SYTL3: variants seen among roughly 807,000 people sequenced by gnomAD.
SYTL3 encodes the protein synaptotagmin-like protein 3.
Under a neutral mutation model 82.1 loss-of-function variants are expected in SYTL3, and 88 were observed. The ratio of observed to expected loss-of-function variants is 1.07; its 90% CI spans 0.90 to 1.28. The LOEUF (loss-of-function observed/expected upper bound fraction) is 1.28, where lower values mean the gene tolerates loss of function less well. Among genes scored for constraint, SYTL3 ranks in the 50% most tolerant of loss-of-function variants. SYTL3 has a pLI of 0.00. For synonymous variants in SYTL3, 311 were observed against 289.4 expected (o/e 1.07, Z -0.76); for missense variants, 831 against 757.6 (o/e 1.10, Z -1.14).
intron 11 of SYTL3, among the ~76,000 whole-genome samples, chr6:158,732,299 C>T (rs77599895): frequency 0.055 from 8,406 of 152,232 alleles, 275 homozygotes; most frequent in Middle Eastern, 0.068. Context: ...AGCACAAGGA[C>T]AAGACTGAAG....
At chr6:158,705,980 T>C (rs1399165373) in intron 6 of SYTL3, among the ~76,000 whole-genome samples, 1 of 152,162 alleles carries the variant, frequency 6.6e-6, no homozygotes, top group Middle Eastern at 3.2e-3. Flanking sequence ...TGCTTGGACC[T>C]GGATGTTTTC....
intron 12 of SYTL3, among the ~76,000 whole-genome samples, chr6:158,749,069 G>C (rs1788023533): frequency 6.8e-6 from 1 of 147,594 alleles, no homozygotes; most frequent in Non-Finnish European, 1.5e-5. Flanking sequence ...TAAAAATACA[G>C]AGAAAATTAG....
At chr6:158,757,000 A>AGCCCC (rs1554266364) in intron 13 of SYTL3, among the ~76,000 whole-genome samples, 22 of 141,960 alleles carry the variant, frequency 1.5e-4, no homozygotes, top group East Asian at 1.1e-3. Flanking sequence ...CAGAGAGAGG[A>AGCCCC]CCCCCCCGCC....
At chr6:158,664,241 T>C (rs552468324) in intron 4 of SYTL3, among the ~76,000 whole-genome samples, 1 of 152,340 alleles carries the variant, frequency 6.6e-6, no homozygotes, top group South Asian at 2.1e-4. Context: ...GTAAACTTTC[T>C]TCCATTAAAA....
intron 13 of SYTL3, 91 bp from the exon 14 acceptor site, chr6:158,757,120 G>T: frequency 7.6e-7 from 1 of 1,309,464 alleles, no homozygotes; most frequent in Non-Finnish European, 1.0e-6. Context: ...GCCCCGGGAA[G>T]TGGGGCCCTG....
chr6:158,679,989 A>C (rs1012511023), intron 5 of SYTL3, among the ~76,000 whole-genome samples: 9 of 152,178 alleles, frequency 5.9e-5, no homozygotes, highest in African/African-American at 2.2e-4. Context: ...GGAGCATGTG[A>C]GAGAGGAGAT....
intron 8 of SYTL3, among the ~76,000 whole-genome samples, chr6:158,709,207 C>T (rs543607719): frequency 1.3e-5 from 2 of 152,158 alleles, no homozygotes; most frequent in Admixed American, 1.3e-4. Flanking sequence ...CCAGCCTGGG[C>T]AACAGAGCAA....
At chr6:158,738,502 C>T (rs1786498659) in intron 11 of SYTL3, among the ~76,000 whole-genome samples, 1 of 152,136 alleles carries the variant, frequency 6.6e-6, no homozygotes, top group Admixed American at 6.5e-5. Context: ...CTTCTCTGTT[C>T]CTTATTCTAT....
chr6:158,745,676 A>T lies in SYTL3; in HGVS notation c.1034+18A>T. 6.4e-7 allele frequency: 1 copy of T among 1,572,982 alleles called. No homozygotes were observed. Among genetic ancestry groups the T allele is most frequent in the South Asian group, 1.2e-5 (1 of 84,722 alleles). ...TGCAATCCGTAAGTTGTTTTTTTTA[A>T]GTTTAACATGAGACATATTGATTCC... On this transcript the variant is annotated intron_variant, in intron 12 of 17. Coordinates refer to ENST00000611299, the MANE Select transcript of SYTL3 (RefSeq NM_001242394.2).
At chr6:158,663,484 C>G in intron 4 of SYTL3, 106 bp downstream of exon 4, 2 of 1,508,704 alleles carry the variant, frequency 1.3e-6, no homozygotes, top group Admixed American at 2.2e-5. Context: ...TACCCACCTG[C>G]TGCTGGGCTT....
At chr6:158,728,600 G>A (rs1332001726) in intron 11 of SYTL3, among the ~76,000 whole-genome samples, 1 of 152,162 alleles carries the variant, frequency 6.6e-6, no homozygotes, top group Non-Finnish European at 1.5e-5. Context: ...TGTATTCTCT[G>A]TGTATAGGTA....
At chr6:158,728,469 G>A (rs1367754458) in intron 11 of SYTL3, among the ~76,000 whole-genome samples, 1 of 152,190 alleles carries the variant, frequency 6.6e-6, no homozygotes, top group Non-Finnish European at 1.5e-5. Flanking sequence ...CTCTTCGTCT[G>A]TCCTTATGCC....
intron 11 of SYTL3, among the ~76,000 whole-genome samples, chr6:158,741,199 C>T (rs1583442599): frequency 6.6e-6 from 1 of 152,176 alleles, no homozygotes; most frequent in East Asian, 1.9e-4. Flanking sequence ...TCCCAAGTAG[C>T]TGGGATTACA....
upstream of SYTL3, among the ~76,000 whole-genome samples, chr6:158,648,584 C>T (rs1444380943): frequency 3.6e-5 from 4 of 110,502 alleles, no homozygotes; most frequent in African/African-American, 6.9e-5. Context: ...GAGCGAGACT[C>T]GGTCTCAAAA....
intron 14 of SYTL3, among the ~76,000 whole-genome samples, chr6:158,759,786 C>T (rs191607776): frequency 6.6e-6 from 1 of 152,280 alleles, no homozygotes; most frequent in African/African-American, 2.4e-5. Flanking sequence ...CCACCTTGGC[C>T]TCCCAAAGTG....
intron 6 of SYTL3, among the ~76,000 whole-genome samples, chr6:158,697,953 G>T (rs1216637943): frequency 2.0e-5 from 3 of 152,212 alleles, no homozygotes; most frequent in Non-Finnish European, 2.9e-5. Context: ...TTGTCCACAG[G>T]ATTGTAAATC....
At chr6:158,646,925 T>C (rs1787514987), upstream of SYTL3, among the ~76,000 whole-genome samples, 1 of 152,154 alleles carries the variant, frequency 6.6e-6, no homozygotes, top group South Asian at 2.1e-4. Flanking sequence ...CCTGAGCCAA[T>C]CAGGAGCCTC....
At chr6:158,729,204 G>A (rs903461394) in intron 11 of SYTL3, among the ~76,000 whole-genome samples, 2 of 152,178 alleles carry the variant, frequency 1.3e-5, no homozygotes, top group African/African-American at 2.4e-5. Context: ...AAATATCACA[G>A]GCTGGGTAAT....
chr6:158,713,467 G>A (rs1782992882), intron 8 of SYTL3, among the ~76,000 whole-genome samples: 1 of 152,130 alleles, frequency 6.6e-6, no homozygotes, highest in East Asian at 1.9e-4. Context: ...TAATTTACTT[G>A]AGTACAGTCT....
Sources: gnomAD v4.1 joint callset for allele counts (sites outside exome capture counted in the v4.1 genomes callset) on GRCh38, gnomAD v4.1.1 for gene constraint, MANE v1.5 for transcripts, NCBI Gene and HGNC (gene_info 2026-07-23, HGNC 2026-07-21) for gene names.